Variants in PARD3B observed in about 807,000 individuals in gnomAD.
The protein encoded by PARD3B is par-3 family cell polarity regulator beta.
PARD3B carries 103 observed loss-of-function variants against 130.2 expected under a neutral mutation model. That is an observed-to-expected ratio of 0.79 (90% CI 0.67 to 0.93). PARD3B has a LOEUF of 0.93. PARD3B is among the 40% of genes least tolerant of loss of function. The probability of loss-of-function intolerance (pLI) is 0.00; values close to 1 mark genes in which losing one functional copy is unlikely to be tolerated. For missense variants in PARD3B, 1,609 were observed against 1,499.2 expected, an observed-to-expected ratio of 1.07 and a Z score of -1.21; for synonymous variants, 583 against 553.2, an observed-to-expected ratio of 1.05 and a Z score of -0.76.
At chr2:204,686,416 G>GC (rs1205258729) in intron 2 of PARD3B, 134 bp downstream of exon 2, 2 of 665,688 alleles carry the variant, frequency 3.0e-6, no homozygotes, top group African/African-American at 3.6e-5. Flanking sequence ...CACCTGGACA[G>GC]CCCATAAATC....
intron 3 of PARD3B, among the ~76,000 whole-genome samples, chr2:204,984,725 G>A (rs1281166055): frequency 1.3e-5 from 2 of 151,984 alleles, no homozygotes; most frequent in Non-Finnish European, 2.9e-5. Flanking sequence ...TTTTTGCATT[G>A]CATGTGTGAG....
chr2:205,421,431 A>C lies in PARD3B; in HGVS notation c.2742-18939A>C, dbSNP rs1219328427. Reference sequence around the variant, plus strand: ...CTGTGTTCCACTGTATTCCATTTTTAATCTCCTCAAGACACACAGTAGAAA... The same window carrying C: ...CTGTGTTCCACTGTATTCCATTTTTCATCTCCTCAAGACACACAGTAGAAA... On this transcript the variant is annotated intron_variant, in intron 19 of 22. Transcript: ENST00000406610. This position sits in a 1 kb window ranked among gnomAD's most constrained non-coding sequence, Gnocchi z 5.1. 6.6e-6 allele frequency among the ~76,000 whole-genome samples: 1 copy of C among 152,142 alleles called. No individual in the cohort carries two copies. Among genetic ancestry groups the C allele is most frequent in the East Asian group, 1.9e-4 (1 of 5,192 alleles).
At chr2:204,686,796 T>C (rs2037107836) in intron 2 of PARD3B, among the ~76,000 whole-genome samples, 1 of 152,200 alleles carries the variant, frequency 6.6e-6, no homozygotes, top group South Asian at 2.1e-4. Flanking sequence ...TCCAAAAAGT[T>C]TGAGCGTGTT....
intron 22 of PARD3B, among the ~76,000 whole-genome samples, chr2:205,609,548 CT>C (rs747410861): frequency 4.4e-4 from 67 of 152,274 alleles, no homozygotes; most frequent in Non-Finnish European, 7.1e-4. Context: ...ATAAAGGCTA[CT>C]TTGGAAGTTA....
intron 1 of PARD3B, among the ~76,000 whole-genome samples, chr2:204,667,601 C>T (rs922261470): frequency 2.0e-5 from 3 of 152,104 alleles, no homozygotes; most frequent in Non-Finnish European, 4.4e-5. Context: ...CTCATGCTTT[C>T]TTCTTTGTTA....
intron 21 of PARD3B, among the ~76,000 whole-genome samples, chr2:205,551,386 C>G (rs1213979969): frequency 6.6e-6 from 1 of 150,788 alleles, no homozygotes; most frequent in Admixed American, 6.6e-5. Context: ...TGTCACCATC[C>G]TTGCCTCTGG....
chr2:205,221,394 C>T (rs774855261), intron 15 of PARD3B, among the ~76,000 whole-genome samples: 19 of 152,268 alleles, frequency 1.2e-4, no homozygotes, highest in South Asian at 4.1e-4. Context: ...GTACGAAAAA[C>T]GACTTCAGGA....
At chr2:205,024,904 G>A (rs1488221316) in intron 3 of PARD3B, among the ~76,000 whole-genome samples, 1 of 152,124 alleles carries the variant, frequency 6.6e-6, no homozygotes, top group South Asian at 2.1e-4. Flanking sequence ...GTGTAACCAT[G>A]GTTTTTATTC....
rs530270698 is a variant in PARD3B, at chr2:204,580,098, G to C, written c.120+33979G>C. ...TAGAAGCCAGTCCTTGACCCAGGGG[G>C]ACCCATAGTCTAGACTCTGGAGGAG... On this transcript the variant is annotated intron_variant, in intron 1 of 22. Coordinates refer to ENST00000406610, the MANE Select transcript of PARD3B (RefSeq NM_001302769.2). 4.6e-5 allele frequency among the ~76,000 whole-genome samples: 7 copies of C among 152,296 alleles called. No homozygotes were observed. The South Asian group carries it at 6.2e-4, about 14-fold the overall frequency.
At chr2:205,613,191 G>A (rs1046072340) in intron 22 of PARD3B, among the ~76,000 whole-genome samples, 1 of 152,172 alleles carries the variant, frequency 6.6e-6, no homozygotes, top group Non-Finnish European at 1.5e-5. Flanking sequence ...AGGGAGGGCT[G>A]GTTGTATGTT....
intron 1 of PARD3B, among the ~76,000 whole-genome samples, chr2:204,595,254 C>T (rs57675666): frequency 0.032 from 4,934 of 152,280 alleles, 245 homozygotes; most frequent in East Asian, 0.13. Flanking sequence ...CATCCACTGC[C>T]CCTTGCCCCA....
chr2:205,371,721 T>C (rs1018614730), intron 18 of PARD3B, among the ~76,000 whole-genome samples: 1 of 152,172 alleles, frequency 6.6e-6, no homozygotes, highest in African/African-American at 2.4e-5. Context: ...TATTAAGATA[T>C]AATTCACATG....
chr2:205,506,202 G>A (rs2050358121), intron 21 of PARD3B, among the ~76,000 whole-genome samples: 1 of 152,040 alleles, frequency 6.6e-6, no homozygotes, highest in Admixed American at 6.6e-5. Context: ...GCATGGTGGT[G>A]CACACCTGTA....
chr2:204,965,208 A>G lies in PARD3B; in HGVS notation c.279A>G (p.Gly93=). The G allele has an allele frequency of 2.5e-6, 4 of 1,614,006 alleles. No individual in the cohort carries two copies. The highest frequency in any genetic ancestry group is 3.4e-6 in the Non-Finnish European group (4 of 1,179,920). The change falls in exon 3 of 23, where the codon GGA becomes GGG. Residue 93 remains glycine, a synonymous_variant. Transcript: ENST00000406610. ...EPLHKIESPS[G]NPADRQSPDA... ...TCCACAAGATTGAGAGCCCCAGTGGAAACCCTGCAGATCGGCAGAGCCCAG... is the reference window on the plus strand; with the variant it reads ...TCCACAAGATTGAGAGCCCCAGTGGGAACCCTGCAGATCGGCAGAGCCCAG...
At chr2:204,828,535 C>CT (rs1404481519) in intron 2 of PARD3B, among the ~76,000 whole-genome samples, 1 of 152,188 alleles carries the variant, frequency 6.6e-6, no homozygotes, top group Non-Finnish European at 1.5e-5. Flanking sequence ...CAAAACTTTA[C>CT]TTACGTCTCT....
At position 205,015,442 on chromosome 2, in the gene PARD3B, G is replaced by T. The variant is rs183026092; in HGVS notation, c.395-32139G>T. 6.6e-6 allele frequency among the ~76,000 whole-genome samples: 1 copy of T among 152,280 alleles called. No homozygotes were observed. The highest frequency in any genetic ancestry group is 2.4e-5 in the African/African-American group (1 of 41,564). On this transcript the variant is annotated intron_variant, in intron 3 of 22. Coordinates refer to ENST00000406610, the MANE Select transcript of PARD3B (RefSeq NM_001302769.2). This position sits in a 1 kb window ranked among gnomAD's most constrained non-coding sequence, Gnocchi z 4.5. ...GTTCAAGGGTCAACCATACTGACATGTTTACATGTATTTCTCCTTGGCAAG... is the reference window on the plus strand; with the variant it reads ...GTTCAAGGGTCAACCATACTGACATTTTTACATGTATTTCTCCTTGGCAAG...
At chr2:204,999,315 T>C (rs1174373649) in intron 3 of PARD3B, among the ~76,000 whole-genome samples, 1 of 152,216 alleles carries the variant, frequency 6.6e-6, no homozygotes, top group East Asian at 1.9e-4. Flanking sequence ...TTTTGCCTTG[T>C]TAAATGGAAG....
chr2:204,582,162 T>C (rs1204495355), intron 1 of PARD3B, among the ~76,000 whole-genome samples: 1 of 152,158 alleles, frequency 6.6e-6, no homozygotes, highest in Non-Finnish European at 1.5e-5. Context: ...GAGCTCTGCA[T>C]AGGTTGCTTA....
intron 18 of PARD3B, among the ~76,000 whole-genome samples, chr2:205,342,700 T>G (rs1861514): frequency 0.59 from 90,402 of 152,028 alleles, 30,563 homozygotes; most frequent in South Asian, 0.77. Flanking sequence ...TAGTGATGTT[T>G]TAGTATTTAA....
Sources: allele counts gnomAD v4.1 joint callset (sites outside exome capture counted in the v4.1 genomes callset), GRCh38; gene constraint gnomAD v4.1.1; non-coding constraint Gnocchi (gnomAD v3.1); transcripts MANE v1.5; gene names NCBI Gene and HGNC (gene_info 2026-07-23, HGNC 2026-07-21).